The following DMD variants were observed in gnomAD, a reference collection of about 807,000 sequenced individuals.
DMD encodes mutant dystrophin.
In DMD, 63 loss-of-function variants were observed where a neutral mutation model predicts 330.1. The ratio of observed to expected loss-of-function variants is 0.19; its 90% CI spans 0.16 to 0.24. DMD has a LOEUF of 0.24. Ranked by LOEUF, DMD falls within the 10% of genes least tolerant of loss-of-function variation. The pLI, the probability that DMD is intolerant of heterozygous loss-of-function variation, is 1.00. For missense variants in DMD, 3,344 were observed against 2,684.1 expected (o/e 1.25, Z -5.43); for synonymous variants, 1,223 against 959.8 (o/e 1.27, Z -5.07).
chrX:33,066,461 A>AAAGG (rs11283208), intron 1 of DMD, among the ~76,000 whole-genome samples: 198 of 84,189 alleles, frequency 2.4e-3, no homozygotes, highest in African/African-American at 9.7e-3. Flanking sequence ...AAAAAAAAAA[A>AAAGG]AAGGAAGGAA....
chrX:32,686,559 C>CAAAA (rs750534167), intron 9 of DMD, among the ~76,000 whole-genome samples: 25 of 28,540 alleles, frequency 8.8e-4, no homozygotes, highest in East Asian at 2.7e-3. Context: ...AACTCCATCT[C>CAAAA]AAAAAAAAAA....
intron 59 of DMD, among the ~76,000 whole-genome samples, chrX:31,476,057 G>A (rs1422372025): frequency 9.1e-6 from 1 of 110,102 alleles, no homozygotes; most frequent in African/African-American, 3.3e-5. Context: ...AAAAAAAAAT[G>A]CATAAGCAAG....
intron 74 of DMD, among the ~76,000 whole-genome samples, chrX:31,149,671 A>G (rs749199672): frequency 2.5e-4 from 28 of 111,676 alleles, no homozygotes; most frequent in Admixed American, 9.5e-4. Flanking sequence ...TACAGGTTGA[A>G]TAAGTCATTG....
intron 44 of DMD, chrX:32,206,811 CG>C: frequency 2.6e-6 from 1 of 379,596 alleles, no homozygotes; most frequent in South Asian, 3.0e-5. Flanking sequence ...ATCTGGCTGT[CG>C]TTTTGATAAT....
chrX:32,942,026 T>A (rs993928773), intron 2 of DMD, among the ~76,000 whole-genome samples: 1 of 111,486 alleles, frequency 9.0e-6, no homozygotes, highest in African/African-American at 3.3e-5. Context: ...AGCAATGTGA[T>A]TAGTTAAGAC....
chrX:32,685,339 T>A (rs1308613000), intron 9 of DMD, among the ~76,000 whole-genome samples: 2 of 111,914 alleles, frequency 1.8e-5, no homozygotes, highest in African/African-American at 6.5e-5. Context: ...TAAATTTGAA[T>A]GTTTCAGAAA....
At chrX:31,296,701 A>T (rs1306305710) in intron 62 of DMD, among the ~76,000 whole-genome samples, 1 of 112,205 alleles carries the variant, frequency 8.9e-6, no homozygotes, top group African/African-American at 3.2e-5. Context: ...CATAGCTGCA[A>T]TTACTGCTCA....
In DMD at chrX:32,648,347, G is replaced by T. The variant is rs976868913; in HGVS notation, c.961-3195C>A. 2.7e-5 allele frequency among the ~76,000 whole-genome samples: 3 copies of T among 111,831 alleles called. No homozygotes were observed. In the South Asian group the frequency reaches 1.1e-3, roughly 41 times the overall value. ...AATTATAATCAAAATTTGAATTTAA[G>T]ATCTGAGTAATTATTTGTCTAGATA... On this transcript the variant is annotated intron_variant, in intron 9 of 78. Transcript: ENST00000357033.
chrX:33,097,086 T>C (rs112775886), intron 1 of DMD, among the ~76,000 whole-genome samples: 1,142 of 111,607 alleles, frequency 0.01, 15 homozygotes, highest in African/African-American at 0.035. Flanking sequence ...TAAAAAATAA[T>C]ACCTGTTCTC....
chrX:31,544,885 G>C (rs1406499864), intron 55 of DMD, among the ~76,000 whole-genome samples: 2 of 110,978 alleles, frequency 1.8e-5, no homozygotes, highest in Non-Finnish European at 3.8e-5. Flanking sequence ...TGACAAGAAT[G>C]GTTCTGACAT....
At chrX:32,497,836 T>C (rs181682057) in intron 19 of DMD, among the ~76,000 whole-genome samples, 1 of 111,748 alleles carries the variant, frequency 8.9e-6, no homozygotes, top group Admixed American at 9.6e-5. Context: ...AAGGCCTTGG[T>C]CATGAAAGGC....
In DMD at chrX:32,924,324, T is replaced by G. The variant is rs1209361442; in HGVS notation, c.94-74504A>C. ...GGGAGGATTGCTTGAGGCCAGGAGT[T>G]CTAGACCAGCTTGGGAAACATAGCA... On this transcript the variant is annotated intron_variant, in intron 2 of 78. Transcript: ENST00000357033. Among the ~76,000 whole-genome samples, 13 of 110,822 alleles carry G rather than the reference T, an allele frequency of 1.2e-4. 1 individual carries two copies. The highest frequency in any genetic ancestry group is 9.7e-4 in the Admixed American group (10 of 10,348).
chrX:32,651,970 A>C (rs931520366), intron 9 of DMD, among the ~76,000 whole-genome samples: 1 of 111,655 alleles, frequency 9.0e-6, no homozygotes. Flanking sequence ...CAGCAAATTT[A>C]ACATTCTTCA....
chrX:32,817,899 C>T (rs752669662), intron 5 of DMD, among the ~76,000 whole-genome samples: 2 of 111,678 alleles, frequency 1.8e-5, no homozygotes, highest in East Asian at 2.8e-4. Context: ...AGTAACGATT[C>T]GGAGATATGA....
chrX:32,492,165 C>G (rs1362343607), intron 19 of DMD, among the ~76,000 whole-genome samples: 3 of 111,397 alleles, frequency 2.7e-5, no homozygotes, highest in South Asian at 7.5e-4. Flanking sequence ...GGTGAAACCC[C>G]GTCTCTACTA....
At chrX:32,084,388 T>C (rs1319801507) in intron 44 of DMD, among the ~76,000 whole-genome samples, 1 of 111,316 alleles carries the variant, frequency 9.0e-6, no homozygotes, top group Non-Finnish European at 1.9e-5. Context: ...CTTAGGTCCC[T>C]GGTTGGAGTG....
At chrX:32,221,644 T>A (rs188455109) in intron 43 of DMD, among the ~76,000 whole-genome samples, 1 of 111,795 alleles carries the variant, frequency 8.9e-6, no homozygotes, top group Admixed American at 9.5e-5. Context: ...GATATTTTAG[T>A]GCACGTGTCA....
At chrX:31,499,175 GC>G (rs1224885699) in intron 56 of DMD, among the ~76,000 whole-genome samples, 1 of 111,644 alleles carries the variant, frequency 9.0e-6, no homozygotes, top group Non-Finnish European at 1.9e-5. Flanking sequence ...TTTATTGACT[GC>G]CCCTAAGTCT....
intron 52 of DMD, among the ~76,000 whole-genome samples, chrX:31,708,461 C>T (rs2084363193): frequency 8.9e-6 from 1 of 111,986 alleles, no homozygotes; most frequent in Non-Finnish European, 1.9e-5. Context: ...GTGATAACTG[C>T]AAACCACTTT....
Sources: gnomAD v4.1 joint callset for allele counts (sites outside exome capture counted in the v4.1 genomes callset) on GRCh38, gnomAD v4.1.1 for gene constraint, MANE v1.5 for transcripts, NCBI Gene and HGNC (gene_info 2026-07-23, HGNC 2026-07-21) for gene names.